The following EPAS1 variants were observed in gnomAD, a reference collection of about 807,000 sequenced individuals.
The protein encoded by EPAS1 is endothelial PAS domain protein 1, also known as endothelial PAS domain-containing protein 1.
EPAS1 carries 23 observed loss-of-function variants against 87.9 expected under a neutral mutation model. The observed-to-expected ratio is 0.26, with a 90% CI of 0.19 to 0.37. The LOEUF (loss-of-function observed/expected upper bound fraction) is 0.37, where lower values mean the gene tolerates loss of function less well. Ranked by LOEUF, EPAS1 falls within the 10% of genes least tolerant of loss-of-function variation. The pLI is 1.00. For synonymous variants in EPAS1, 508 were observed against 444.3 expected (o/e 1.14, Z -1.80); for missense variants, 1,138 against 1,120.7 (o/e 1.02, Z -0.22).
chr2:46,304,810 C>T (rs1683076486), intron 1 of EPAS1, among the ~76,000 whole-genome samples: 1 of 151,748 alleles, frequency 6.6e-6, no homozygotes, highest in Non-Finnish European at 1.5e-5. Flanking sequence ...ACAGGACTTC[C>T]TGTGGCTCTT....
chr2:46,382,212 T>A (rs113371863), intron 14 of EPAS1, 123 bp downstream of exon 14: 1 of 1,077,480 alleles, frequency 9.3e-7, no homozygotes. Context: ...CTTGTTAGAA[T>A]GGGGCGATGT....
At chr2:46,318,783 A>C (rs893000407) in intron 1 of EPAS1, among the ~76,000 whole-genome samples, 1 of 152,272 alleles carries the variant, frequency 6.6e-6, no homozygotes, top group Non-Finnish European at 1.5e-5. Context: ...AGTTATTAAT[A>C]GTATTAATTG....
intron 1 of EPAS1, among the ~76,000 whole-genome samples, chr2:46,337,337 C>T (rs1683814139): frequency 1.3e-5 from 2 of 152,094 alleles, no homozygotes; most frequent in South Asian, 2.1e-4. Context: ...CCTAGGGAAA[C>T]GGATGCATGG....
At chr2:46,327,393 AC>A (rs1683584066) in intron 1 of EPAS1, among the ~76,000 whole-genome samples, 1 of 152,144 alleles carries the variant, frequency 6.6e-6, no homozygotes, top group African/African-American at 2.4e-5. Context: ...GGCAGTGAGA[AC>A]ATAGGAATAG....
chr2:46,360,677 A>C lies in EPAS1; in HGVS notation c.494A>C (p.Glu165Ala), dbSNP rs777049674. ...FGKKSKDMST[E>A]RDFFMRMKCT... ...AAAAAAAGCAAAGACATGTCCACAG[A>C]GCGGGACTTCTTCATGAGGATGAAG... Residue 165 changes from glutamate to alanine, a missense_variant, in exon 5 of 16, where the codon GAG (glutamate) becomes GCG (alanine). Transcript: ENST00000263734. The surrounding 1 kb of genome is among the most constrained non-coding windows in gnomAD (Gnocchi z 4.5). 6.2e-7 allele frequency: 1 copy of C among 1,614,012 alleles called. No homozygotes were observed. Among genetic ancestry groups the C allele is most frequent in the Non-Finnish European group, 8.5e-7 (1 of 1,180,032 alleles).
At chr2:46,379,694 C>G (rs1413625535) in intron 11 of EPAS1, 1 of 179,268 alleles carries the variant, frequency 5.6e-6, no homozygotes, top group Non-Finnish European at 1.2e-5. Context: ...TGAGTATCTG[C>G]TGATTGGAAC....
intron 6 of EPAS1, among the ~76,000 whole-genome samples, chr2:46,364,721 G>C (rs1323056955): frequency 6.6e-6 from 1 of 152,130 alleles, no homozygotes; most frequent in Non-Finnish European, 1.5e-5. Flanking sequence ...TTGAGTAGCA[G>C]GGTAAAAGAA....
At chr2:46,384,403 G>A (rs1227198278) in intron 15 of EPAS1, 106 bp from the exon 16 acceptor site, 1 of 1,501,426 alleles carries the variant, frequency 6.7e-7, no homozygotes, top group Non-Finnish European at 9.3e-7. Context: ...AAGGAGCAGA[G>A]TGAAATTAGG....
intron 1 of EPAS1, among the ~76,000 whole-genome samples, chr2:46,318,530 C>T (rs560409188): frequency 6.6e-6 from 1 of 152,302 alleles, no homozygotes; most frequent in East Asian, 1.9e-4. Flanking sequence ...ACAAGGCATG[C>T]CTGTGTTTCT....
Position 46,346,707 on chromosome 2 carries a change from C to A in EPAS1, c.27-166C>A, listed in dbSNP as rs888017347. Among the ~76,000 whole-genome samples, 2 of 152,204 alleles carry A rather than the reference C, an allele frequency of 1.3e-5. No individual in the cohort carries two copies. The highest frequency in any genetic ancestry group is 4.1e-4 in the South Asian group (2 of 4,832). ...CCAACACACACAAAAGCAGAGCTAA[C>A]AATACAAAGCAGGTTGTGTGTGGCT... On this transcript the variant is annotated intron_variant, in intron 1 of 15. Coordinates refer to ENST00000263734, the MANE Select transcript of EPAS1 (RefSeq NM_001430.5). This position sits in a 1 kb window ranked among gnomAD's most constrained non-coding sequence, Gnocchi z 4.0.
intron 1 of EPAS1, among the ~76,000 whole-genome samples, chr2:46,329,351 G>A (rs902898233): frequency 3.3e-5 from 5 of 152,150 alleles, no homozygotes; most frequent in African/African-American, 1.2e-4. Flanking sequence ...GGAGGGGAAC[G>A]TGTAGGCTAT....
At chr2:46,366,091 C>G (rs961771145) in intron 6 of EPAS1, among the ~76,000 whole-genome samples, 1 of 151,726 alleles carries the variant, frequency 6.6e-6, no homozygotes, top group Non-Finnish European at 1.5e-5. Context: ...TTGCGTGACT[C>G]CAGGCGGTGG....
At chr2:46,331,107 CAT>C (rs1683664045) in intron 1 of EPAS1, among the ~76,000 whole-genome samples, 1 of 152,196 alleles carries the variant, frequency 6.6e-6, no homozygotes, top group Non-Finnish European at 1.5e-5. Flanking sequence ...GGCAGGCACT[CAT>C]AGACGCTGAG....
At chr2:46,345,880 G>C (rs1304326705) in intron 1 of EPAS1, among the ~76,000 whole-genome samples, 1 of 152,118 alleles carries the variant, frequency 6.6e-6, no homozygotes, top group East Asian at 1.9e-4. Flanking sequence ...AGTTGGAACA[G>C]GCTTAGTGCT....
chr2:46,380,366 G>C lies in EPAS1; in HGVS notation c.1694G>C (p.Ser565Thr). 6.2e-7 allele frequency: 1 copy of C among 1,614,156 alleles called. No individual in the cohort carries two copies. Among genetic ancestry groups the C allele is most frequent in the East Asian group, 2.2e-5 (1 of 44,892 alleles). The change falls in exon 12 of 16, where the codon AGT becomes ACT. Residue 565 changes from serine to threonine, a missense_variant. Ser to Thr is a moderately conservative substitution (Grantham distance 58, BLOSUM62 1). Around this residue, in one of 4 missense-constraint regions of EPAS1, gnomAD observed 502 missense variants for 427.1 expected, o/e 1.18. Transcript: ENST00000263734. The surrounding 1 kb of genome is among the most constrained non-coding windows in gnomAD (Gnocchi z 4.4). ...NPQSTPQHCFSAMTNIFQPLA... is the reference protein window; with the variant it reads ...NPQSTPQHCFTAMTNIFQPLA... The stretch of plus-strand genomic sequence containing the variant: ...CAGTCCACCCCCCAGCACTGCTTCA[G>C]TGCCATGACAAACATCTTCCAGCCA...
At chr2:46,356,902 C>G in intron 4 of EPAS1, 94 bp downstream of exon 4, 1 of 911,144 alleles carries the variant, frequency 1.1e-6, no homozygotes, top group Non-Finnish European at 1.8e-6. Flanking sequence ...GCTCATGGCC[C>G]TTGTGATGCA....
rs1386453322 is a variant in EPAS1 at position 46,308,459 on chromosome 2, T to TG, written c.26+10522_26+10523insG. Among the ~76,000 whole-genome samples the TG allele has an allele frequency of 3.2e-3, 269 of 83,088 alleles. 2 individuals are homozygous for TG. The highest frequency in any genetic ancestry group is 8.1e-3 in the African/African-American group (260 of 32,272). The allele number at this position is 83,088 out of a possible 152,430, so 54.5% of individuals were successfully genotyped here. A position where few individuals can be genotyped will look rare whatever the true frequency, so the allele number is the denominator to read the frequency against. ...GCCCTAATACCTTGCTTGCTTTTTTTTGGGGGGGGGGGCTCTGAAATCATG... is the reference window on the plus strand; with the variant it reads ...GCCCTAATACCTTGCTTGCTTTTTTTGTGGGGGGGGGGGCTCTGAAATCATG... On this transcript the variant is annotated intron_variant, in intron 1 of 15. Transcript: ENST00000263734.
rs1684818395 is a variant in EPAS1, at chr2:46,378,832, A to G, written c.1554+65A>G. On this transcript the variant is annotated intron_variant, in intron 11 of 15. Coordinates refer to ENST00000263734, the MANE Select transcript of EPAS1 (RefSeq NM_001430.5). ...TGTCTGGTGGACAGCAAAGGCTCAC[A>G]TCCATTCTTGTAGCCTCATCCCTTT... The G allele has an allele frequency of 2.8e-6, 4 of 1,406,232 alleles. No homozygotes were observed. In the East Asian group the frequency reaches 6.8e-5, roughly 24 times the overall value. 87.1% of individuals were successfully genotyped at this position (1,406,232 alleles called of 1,614,324 possible). A position where few individuals can be genotyped will look rare whatever the true frequency, so the allele number is the denominator to read the frequency against.
At chr2:46,342,277 C>T (rs1030273816) in intron 1 of EPAS1, among the ~76,000 whole-genome samples, 5 of 152,192 alleles carry the variant, frequency 3.3e-5, no homozygotes, top group Non-Finnish European at 7.3e-5. Context: ...GGGTGTGTTT[C>T]TCCTATCAGG....
Sources: gnomAD v4.1 joint callset for allele counts (sites outside exome capture counted in the v4.1 genomes callset) on GRCh38, gnomAD v4.1.1 for gene constraint, gnomAD v4.1.1 regional missense constraint, Gnocchi (gnomAD v3.1) non-coding constraint, MANE v1.5 for transcripts, NCBI Gene and HGNC (gene_info 2026-07-23, HGNC 2026-07-21) for gene names.